Variants in CHEK1 observed in about 807,000 individuals in gnomAD.
CHEK1 encodes the protein serine/threonine-protein kinase Chk1.
CHEK1 carries 32 observed loss-of-function variants against 60.2 expected under a neutral mutation model. That is an observed-to-expected ratio of 0.53 (90% CI 0.40 to 0.71). The LOEUF is 0.71. Ranked by LOEUF, CHEK1 falls within the 30% of genes least tolerant of loss-of-function variation. The pLI, the probability that CHEK1 is intolerant of heterozygous loss-of-function variation, is 0.00. For missense variants in CHEK1, 399 were observed against 564.6 expected, an observed-to-expected ratio of 0.71 and a Z score of 2.97; for synonymous variants, 179 against 187.2, an observed-to-expected ratio of 0.96 and a Z score of 0.36.
chr11:125,649,741 A>AG (rs1334091876), intron 11 of CHEK1: 3 of 155,690 alleles, frequency 1.9e-5, no homozygotes, highest in African/African-American at 7.2e-5. Flanking sequence ...CAAAAAAAAA[A>AG]AAAAATCGCT....
rs1166998624 is a variant in CHEK1 at position 125,637,453 on chromosome 11, G to A, written c.723G>A (p.Leu241=). The change falls in exon 8 of 13, where the codon CTG becomes CTA. Residue 241 remains leucine, a synonymous_variant. Coordinates refer to ENST00000438015, the MANE Select transcript of CHEK1 (RefSeq NM_001114122.3). Reference sequence around the variant, plus strand: ...TGTCGTAATGTTTGTTTTTAGCTCTGCTGCATAAAATCTTAGTTGAGAATC... The same window carrying A: ...TGTCGTAATGTTTGTTTTTAGCTCTACTGCATAAAATCTTAGTTGAGAATC... ...WKKIDSAPLA[L]LHKILVENPS... The A allele has an allele frequency of 2.5e-6, 4 of 1,601,964 alleles. No homozygotes were observed. Among genetic ancestry groups the A allele is most frequent in the Non-Finnish European group, 3.4e-6 (4 of 1,174,008 alleles).
downstream of CHEK1, among the ~76,000 whole-genome samples, chr11:125,680,413 G>A (rs868856020): frequency 6.6e-6 from 1 of 152,052 alleles, no homozygotes. Context: ...TTAATTGGTG[G>A]GACAAACCTT....
At chr11:125,637,205 C>T (rs1406246795) in intron 7 of CHEK1, among the ~76,000 whole-genome samples, 1 of 152,102 alleles carries the variant, frequency 6.6e-6, no homozygotes, top group Non-Finnish European at 1.5e-5. Flanking sequence ...GAAACATTTC[C>T]ATCTGGCTCT....
chr11:125,648,498 C>G (rs1049258004), intron 11 of CHEK1, among the ~76,000 whole-genome samples: 3 of 151,928 alleles, frequency 2.0e-5, no homozygotes, highest in Non-Finnish European at 4.4e-5. Context: ...CGGAGAATCA[C>G]TTGAACCTGG....
intron 5 of CHEK1, 61 bp from the exon 6 acceptor site, chr11:125,633,102 G>GT: frequency 7.0e-7 from 1 of 1,435,944 alleles, no homozygotes; most frequent in Non-Finnish European, 9.3e-7. Context: ...CTTAATTCCT[G>GT]TAAGTATATC....
downstream of CHEK1, among the ~76,000 whole-genome samples, chr11:125,661,486 A>G (rs1361169709): frequency 1.3e-5 from 2 of 151,866 alleles, no homozygotes; most frequent in East Asian, 1.9e-4. Context: ...TAATTTTTGT[A>G]TTTTTAGTAG....
downstream of CHEK1, among the ~76,000 whole-genome samples, chr11:125,657,915 G>A (rs1023347039): frequency 1.3e-5 from 2 of 152,114 alleles, no homozygotes; most frequent in Non-Finnish European, 2.9e-5. Flanking sequence ...ACAGATTAGT[G>A]TTTCCATAGG....
chr11:125,631,740 C>T (rs1469510185), intron 5 of CHEK1, among the ~76,000 whole-genome samples: 1 of 151,394 alleles, frequency 6.6e-6, no homozygotes, highest in Non-Finnish European at 1.5e-5. Context: ...CACCTGGAGT[C>T]CCAGCTACTT....
At chr11:125,665,209 T>C (rs571152) in intron 13 of CHEK1, among the ~76,000 whole-genome samples, 68,927 of 150,062 alleles carry the variant, frequency 0.46, 16,579 homozygotes, top group Admixed American at 0.57. Context: ...TCAGGTGGTA[T>C]GATGTCTCCA....
chr11:125,652,802 A>C (rs1430470607), intron 11 of CHEK1, among the ~76,000 whole-genome samples: 2 of 152,216 alleles, frequency 1.3e-5, no homozygotes, highest in African/African-American at 4.8e-5. Flanking sequence ...TCATAATTTC[A>C]AACATTGTGG....
At chr11:125,643,936 A>C (rs975398842) in intron 9 of CHEK1, 36 bp downstream of exon 9, 5 of 1,571,886 alleles carry the variant, frequency 3.2e-6, no homozygotes, top group Admixed American at 3.4e-5. Context: ...TTTTGATTGT[A>C]GTATTCCCCA....
At chr11:125,667,929 TAA>T (rs1942128006) in intron 13 of CHEK1, among the ~76,000 whole-genome samples, 1 of 152,196 alleles carries the variant, frequency 6.6e-6, no homozygotes, top group Non-Finnish European at 1.5e-5. Context: ...GGCTGATTTT[TAA>T]AAGAGTTTCC....
intron 8 of CHEK1, among the ~76,000 whole-genome samples, chr11:125,638,231 ACTTC>A (rs1464437936): frequency 6.6e-6 from 1 of 152,180 alleles, no homozygotes; most frequent in Non-Finnish European, 1.5e-5. Flanking sequence ...TATTTCTCTG[ACTTC>A]CTTATTTTTT....
chr11:125,626,491 T>C, intron 1 of CHEK1: 1 of 510,066 alleles, frequency 2.0e-6, no homozygotes. Flanking sequence ...ATAACAACAA[T>C]TAATTTCCTC....
chr11:125,661,361 G>A (rs1942012174), downstream of CHEK1, among the ~76,000 whole-genome samples: 1 of 151,898 alleles, frequency 6.6e-6, no homozygotes, highest in African/African-American at 2.4e-5. Context: ...ACCCAGGCTA[G>A]AGTGCAGTGG....
chr11:125,649,807 C>G (rs1434328604), intron 11 of CHEK1: 1 of 151,556 alleles, frequency 6.6e-6, no homozygotes, highest in Non-Finnish European at 1.5e-5. Context: ...GTTTAAGTGC[C>G]TTAATTTCTC....
chr11:125,635,705 C>T (rs1216555282), intron 7 of CHEK1, 172 bp downstream of exon 7: 1 of 418,634 alleles, frequency 2.4e-6, no homozygotes, highest in East Asian at 4.0e-5. Flanking sequence ...ACTCTTTAGT[C>T]CCAGAACTCT....
chr11:125,642,796 T>C (rs1208852880), intron 8 of CHEK1: 1 of 152,232 alleles, frequency 6.6e-6, no homozygotes, highest in Non-Finnish European at 1.5e-5. Flanking sequence ...GATAAGTTGA[T>C]GTAGTTTCTG....
intron 13 of CHEK1, among the ~76,000 whole-genome samples, chr11:125,662,653 T>G (rs1942038079): frequency 6.6e-6 from 1 of 152,244 alleles, no homozygotes; most frequent in Non-Finnish European, 1.5e-5. Context: ...CTTTGTTATA[T>G]CTACTCTTTT....
Sources: gnomAD v4.1 joint callset for allele counts (sites outside exome capture counted in the v4.1 genomes callset) on GRCh38, gnomAD v4.1.1 for gene constraint, MANE v1.5 for transcripts, NCBI Gene and HGNC (gene_info 2026-07-23, HGNC 2026-07-21) for gene names.